The following COL4A2 variants were observed in gnomAD, a reference collection of about 807,000 sequenced individuals.
COL4A2 encodes collagen type IV alpha 2 chain, also known as collagen alpha-2(IV) chain.
A neutral mutation model predicts 200.2 loss-of-function variants in COL4A2; 99 were observed. That is an observed-to-expected ratio of 0.49 (90% confidence interval 0.42 to 0.58). The LOEUF (loss-of-function observed/expected upper bound fraction) is 0.58, where lower values mean the gene tolerates loss of function less well. COL4A2 is among the 20% of genes least tolerant of loss of function. The pLI, the probability that COL4A2 is intolerant of heterozygous loss-of-function variation, is 0.00. For synonymous variants in COL4A2, 897 were observed against 900.6 expected, an observed-to-expected ratio of 1.00 and a Z score of 0.07; for missense variants, 1,950 against 2,314.1, an observed-to-expected ratio of 0.84 and a Z score of 3.23.
At chr13:110,388,750 G>A (rs1878869690) in intron 4 of COL4A2, among the ~76,000 whole-genome samples, 1 of 152,202 alleles carries the variant, frequency 6.6e-6, no homozygotes, top group South Asian at 2.1e-4. Flanking sequence ...GGAAAACTCT[G>A]ACATCAGAAT....
chr13:110,313,959 G>C (rs1284330785), intron 3 of COL4A2, among the ~76,000 whole-genome samples: 11 of 152,206 alleles, frequency 7.2e-5, no homozygotes, highest in African/African-American at 2.4e-5. Context: ...CTGTTGCCTT[G>C]GATGAAGCTG....
At chr13:110,419,320 T>C (rs982049988) in intron 4 of COL4A2, among the ~76,000 whole-genome samples, 1 of 152,250 alleles carries the variant, frequency 6.6e-6, no homozygotes, top group African/African-American at 2.4e-5. Context: ...AGATTAAAAA[T>C]CCTGATGTGT....
chr13:110,314,974 G>A (rs1273583474), intron 3 of COL4A2, among the ~76,000 whole-genome samples: 1 of 152,216 alleles, frequency 6.6e-6, no homozygotes, highest in African/African-American at 2.4e-5. Context: ...CAGCTTCTGT[G>A]TTAGTTAGGG....
chr13:110,493,818 C>CT (rs1359055569), intron 39 of COL4A2, among the ~76,000 whole-genome samples: 1 of 99,844 alleles, frequency 1.0e-5, no homozygotes, highest in Admixed American at 1.0e-4. Flanking sequence ...TGGTCGGGTT[C>CT]TGGGGGGGGC....
At chr13:110,445,087 G>A (rs4322516) in intron 16 of COL4A2, among the ~76,000 whole-genome samples, 36,427 of 152,148 alleles carry the variant, frequency 0.24, 4,635 homozygotes, top group Middle Eastern at 0.37. Context: ...CTGGGCTCAA[G>A]TGATCCTCCC....
At chr13:110,490,423 C>A (rs1007688848) in intron 36 of COL4A2, among the ~76,000 whole-genome samples, 2 of 152,200 alleles carry the variant, frequency 1.3e-5, no homozygotes, top group Non-Finnish European at 2.9e-5. Flanking sequence ...GCAGGGCTGG[C>A]CCTGGTGGGA....
intron 4 of COL4A2, among the ~76,000 whole-genome samples, chr13:110,381,744 C>A (rs1221138756): frequency 6.6e-6 from 1 of 152,186 alleles, no homozygotes; most frequent in African/African-American, 2.4e-5. Context: ...CTTTTTCACT[C>A]CCTTTCAGAA....
chr13:110,352,499 C>T (rs1877006567), intron 3 of COL4A2, among the ~76,000 whole-genome samples: 1 of 152,252 alleles, frequency 6.6e-6, no homozygotes. Flanking sequence ...ACTCTATACC[C>T]AGAGCCCAGC....
At chr13:110,480,931 C>G (rs1023437592) in intron 31 of COL4A2, among the ~76,000 whole-genome samples, 1 of 148,760 alleles carries the variant, frequency 6.7e-6, no homozygotes, top group African/African-American at 2.5e-5. Flanking sequence ...TCTGTCCCTC[C>G]GTTGCTGGAG....
At position 110,409,096 on chromosome 13, in the gene COL4A2, G is replaced by A. The variant is rs1333009162; in HGVS notation, c.181-15638G>A. ...TACACACATGCACATATATACACAC[G>A]GACACATACACATAACACACATATA... On this transcript the variant is annotated intron_variant, in intron 4 of 47. Coordinates refer to ENST00000360467, the MANE Select transcript of COL4A2 (RefSeq NM_001846.4). 5.1e-5 allele frequency among the ~76,000 whole-genome samples: 5 copies of A among 98,474 alleles called. 1 individual carries two copies. The highest frequency in any genetic ancestry group is 1.5e-4 in the African/African-American group (4 of 26,618). The allele number at this position is 98,474 out of a possible 152,430, so 64.6% of individuals were successfully genotyped here.
At chr13:110,405,439 C>A (rs1351303756) in intron 4 of COL4A2, among the ~76,000 whole-genome samples, 1 of 152,062 alleles carries the variant, frequency 6.6e-6, no homozygotes, top group Admixed American at 6.5e-5. Context: ...CACCCCCGGC[C>A]CCCACCCCTT....
At chr13:110,429,995 C>A (rs1454502242) in intron 8 of COL4A2, 39 bp downstream of exon 8, 1 of 1,526,356 alleles carries the variant, frequency 6.6e-7, no homozygotes, top group Non-Finnish European at 8.8e-7. Context: ...TGAAGGGACC[C>A]AGTGTAAATT....
intron 22 of COL4A2, among the ~76,000 whole-genome samples, chr13:110,460,296 C>T (rs1475165853): frequency 6.6e-5 from 10 of 152,208 alleles, no homozygotes; most frequent in Admixed American, 2.0e-4. Context: ...CCGGGCACCT[C>T]GCTGATCCAT....
In COL4A2 at chr13:110,462,356, A is replaced by G. The variant is rs368207474; in HGVS notation, c.1748A>G (p.Asp583Gly). ...DDGSPGRDGL[D>G]GFPGLPGPPG... ...GGCAGCCCAGGCCGCGATGGGCTCG[A>G]TGGATTCCCCGGCCTCCCAGGCCCT... Residue 583 changes from aspartate to glycine, a missense_variant, in exon 24 of 48, where the codon GAT (aspartate) becomes GGT (glycine). By Grantham distance (94) the Asp-to-Gly change is moderately conservative. Transcript: ENST00000360467. 4.8e-5 allele frequency: 77 copies of G among 1,613,722 alleles called. No homozygotes were observed. In the Middle Eastern group the frequency reaches 2.0e-3, roughly 42 times the overall value.
At chr13:110,356,019 C>A (rs1877248080) in intron 3 of COL4A2, among the ~76,000 whole-genome samples, 1 of 152,054 alleles carries the variant, frequency 6.6e-6, no homozygotes, top group African/African-American at 2.4e-5. Context: ...AAAAGAGGGT[C>A]ACTCTGATTG....
At chr13:110,370,734 G>A (rs1442933623) in intron 4 of COL4A2, among the ~76,000 whole-genome samples, 1 of 152,182 alleles carries the variant, frequency 6.6e-6, no homozygotes, top group African/African-American at 2.4e-5. Flanking sequence ...GTGTTCTTCT[G>A]CCCTTGATTT....
chr13:110,470,448 C>T (rs1882424858), intron 28 of COL4A2, among the ~76,000 whole-genome samples: 1 of 152,128 alleles, frequency 6.6e-6, no homozygotes, highest in Non-Finnish European at 1.5e-5. Context: ...TGTTCCTGAG[C>T]CACACAGTTG....
intron 16 of COL4A2, among the ~76,000 whole-genome samples, chr13:110,445,379 G>T (rs1881282961): frequency 6.6e-6 from 1 of 152,136 alleles, no homozygotes; most frequent in Non-Finnish European, 1.5e-5. Flanking sequence ...GCTGAAAAGG[G>T]GAACCTGCAC....
chr13:110,480,280 A>G lies in COL4A2; in HGVS notation c.2648A>G (p.Lys883Arg). The G allele has an allele frequency of 6.2e-7, 1 of 1,613,768 alleles. No individual in the cohort carries two copies. Among genetic ancestry groups the G allele is most frequent in the African/African-American group, 1.3e-5 (1 of 75,040 alleles). Reference sequence around the variant, plus strand: ...GGCGCTCCTGGCCCTGTGGGCATGAAAGGTCTCTCTGGTGACAGAGGAGAT... The same window carrying G: ...GGCGCTCCTGGCCCTGTGGGCATGAGAGGTCTCTCTGGTGACAGAGGAGAT... ...DTGAPGPVGM[K>R]GLSGDRGDAG... The change falls in exon 31 of 48, where the codon AAA becomes AGA. Residue 883 changes from lysine to arginine, a missense_variant. By Grantham distance (26) the Lys-to-Arg change is conservative. Coordinates refer to ENST00000360467, the MANE Select transcript of COL4A2 (RefSeq NM_001846.4).
Sources: gnomAD v4.1 joint callset for allele counts (sites outside exome capture counted in the v4.1 genomes callset) on GRCh38, gnomAD v4.1.1 for gene constraint, MANE v1.5 for transcripts, NCBI Gene and HGNC (gene_info 2026-07-23, HGNC 2026-07-21) for gene names.